The following ACAD11 variants were observed in gnomAD, a reference collection of about 807,000 sequenced individuals.
ACAD11 encodes acyl-CoA dehydrogenase family member 11.
Under a neutral mutation model 102.2 loss-of-function variants are expected in ACAD11, and 83 were observed. The ratio of observed to expected loss-of-function variants is 0.81; its 90% CI spans 0.68 to 0.97. The LOEUF (loss-of-function observed/expected upper bound fraction) is 0.97, where lower values mean the gene tolerates loss of function less well. Among genes scored for constraint, ACAD11 ranks in the 50% least tolerant of loss-of-function variants. ACAD11 has a pLI of 0.00. For synonymous variants in ACAD11, 324 were observed against 319.8 expected (o/e 1.01, Z -0.14); for missense variants, 901 against 951.7 (o/e 0.95, Z 0.70).
At chr3:132,566,296 C>CAAAAAAAAAAAAAAAAAAAAAAAAA (rs371477145) in intron 17 of ACAD11, among the ~76,000 whole-genome samples, 4 of 61,892 alleles carry the variant, frequency 6.5e-5, no homozygotes, top group African/African-American at 9.3e-5. Flanking sequence ...AAAACAAACT[C>CAAAAAAAAAAAAAAAAAAAAAAAAA]AAAAAAACAA....
At position 132,644,865 on chromosome 3, in the gene ACAD11, G is replaced by A. The variant is rs745859678; in HGVS notation, c.181C>T (p.Gln61Ter). The change falls in exon 2 of 20, where the codon CAG becomes TAG. Residue 61 changes from glutamine to a stop codon, truncating the protein, a stop_gained. Transcript: ENST00000264990. LOFTEE classifies it high-confidence loss of function. ...AGKSNPTFYL[Q>*]KGFQTYVLRK... ...AGCACATATGTTTGAAAGCCCTTCT[G>A]GAGATAAAAGGTTGGATTGGACTTT... 10 of 1,611,260 alleles carry A rather than the reference G, an allele frequency of 6.2e-6. No homozygotes were observed. The highest frequency in any genetic ancestry group is 8.5e-6 in the Non-Finnish European group (10 of 1,179,006).
At chr3:132,620,525 A>G (rs1366763631) in intron 9 of ACAD11, 1 of 152,266 alleles carries the variant, frequency 6.6e-6, no homozygotes, top group African/African-American at 2.4e-5. Flanking sequence ...AGTAAGAGTT[A>G]GCAAAAACAA....
chr3:132,652,031 C>T (rs58869763), intron 1 of ACAD11, among the ~76,000 whole-genome samples: 13,694 of 152,042 alleles, frequency 0.09, 2,087 homozygotes, highest in African/African-American at 0.31. Context: ...GAGGACATGA[C>T]GTTTGGGAAG....
intron 13 of ACAD11, among the ~76,000 whole-genome samples, chr3:132,584,986 A>G (rs1209634435): frequency 2.6e-5 from 4 of 152,208 alleles, no homozygotes; most frequent in African/African-American, 7.2e-5. Flanking sequence ...CAGAATTGGA[A>G]AAAACTACTT....
chr3:132,596,004 T>C (rs551405029), intron 13 of ACAD11, among the ~76,000 whole-genome samples: 3 of 152,254 alleles, frequency 2.0e-5, no homozygotes, highest in African/African-American at 7.2e-5. Flanking sequence ...CTATGCACAA[T>C]AGCAAAGACA....
At chr3:132,639,998 T>A (rs978609545) in intron 4 of ACAD11, among the ~76,000 whole-genome samples, 87 of 147,146 alleles carry the variant, frequency 5.9e-4, no homozygotes, top group Middle Eastern at 7.0e-3. Flanking sequence ...ACACTCTCTC[T>A]CACACACACA....
chr3:132,561,354 T>C (rs1341997205), intron 17 of ACAD11, 137 bp from the exon 18 acceptor site: 2 of 707,138 alleles, frequency 2.8e-6, no homozygotes, highest in South Asian at 3.0e-5. Flanking sequence ...TATGTATTTT[T>C]AAATGGAAGA....
chr3:132,652,852 G>A (rs146897438), intron 1 of ACAD11, among the ~76,000 whole-genome samples: 4 of 152,190 alleles, frequency 2.6e-5, no homozygotes, highest in African/African-American at 9.6e-5. Context: ...GGGGAACTCT[G>A]CCGTGTCAAA....
intron 5 of ACAD11, among the ~76,000 whole-genome samples, chr3:132,632,835 A>T (rs926962648): frequency 2.6e-5 from 4 of 152,134 alleles, no homozygotes; most frequent in Admixed American, 2.0e-4. Context: ...ATTCTCTTTG[A>T]AGCAATTGTG....
chr3:132,639,599 G>C lies in ACAD11; in HGVS notation c.595C>G (p.Gln199Glu). 6.2e-7 allele frequency: 1 copy of C among 1,613,658 alleles called. No homozygotes were observed. The highest frequency in any genetic ancestry group is 8.5e-7 in the Non-Finnish European group (1 of 1,179,840). The part of the protein sequence containing the change: ...AAAHQDIPAM[Q>E]QLSEWLMKNL... ...TTCATTAGCCACTCCGATAGCTGTTGCATGGCAGGGATGTCCTGATGAGCT... is the reference window on the plus strand; with the variant it reads ...TTCATTAGCCACTCCGATAGCTGTTCCATGGCAGGGATGTCCTGATGAGCT... Residue 199 changes from glutamine (Q) to glutamate (E), a missense_variant, in exon 5 of 20, where the codon CAA becomes GAA. Transcript: ENST00000264990.
intron 17 of ACAD11, 29 bp downstream of exon 17, chr3:132,575,743 A>C (rs1361790714): frequency 7.4e-6 from 12 of 1,612,456 alleles, no homozygotes; most frequent in Non-Finnish European, 9.3e-6. Flanking sequence ...ACCGGGCTAC[A>C]ATAAATTCAA....
chr3:132,574,854 G>T (rs774908865), intron 17 of ACAD11, among the ~76,000 whole-genome samples: 5 of 151,362 alleles, frequency 3.3e-5, no homozygotes, highest in Non-Finnish European at 5.9e-5. Context: ...TCTTTTTCTG[G>T]AGACAGAGTC....
intron 9 of ACAD11, 23 bp from the exon 10 acceptor site, chr3:132,619,568 A>G: frequency 7.3e-7 from 1 of 1,367,188 alleles, no homozygotes. Context: ...AAAGAAAAAA[A>G]TTTCACTAGC....
At chr3:132,619,603 G>T in intron 9 of ACAD11, 58 bp from the exon 10 acceptor site, 1 of 912,200 alleles carries the variant, frequency 1.1e-6, no homozygotes, top group Non-Finnish European at 1.7e-6. Flanking sequence ...AGTAAACAAT[G>T]TCATAAACTG....
At chr3:132,648,967 T>G (rs1471409558) in intron 1 of ACAD11, among the ~76,000 whole-genome samples, 1 of 152,196 alleles carries the variant, frequency 6.6e-6, no homozygotes, top group Non-Finnish European at 1.5e-5. Flanking sequence ...GGAATCAAGG[T>G]TTAAGGGATC....
intron 13 of ACAD11, among the ~76,000 whole-genome samples, chr3:132,586,061 A>G (rs1937807486): frequency 6.6e-6 from 1 of 152,210 alleles, no homozygotes; most frequent in Non-Finnish European, 1.5e-5. Context: ...TTGTGGCACT[A>G]TTCACAATAG....
intron 4 of ACAD11, among the ~76,000 whole-genome samples, chr3:132,641,713 A>G (rs1020933656): frequency 4.0e-5 from 6 of 151,816 alleles, no homozygotes; most frequent in African/African-American, 9.7e-5. Flanking sequence ...AAGAAGAAGA[A>G]GAAGAAGAAG....
chr3:132,656,356 G>A (rs1020050412), intron 1 of ACAD11, among the ~76,000 whole-genome samples: 5 of 152,144 alleles, frequency 3.3e-5, no homozygotes, highest in African/African-American at 1.2e-4. Flanking sequence ...GAGTAGAACT[G>A]CTAGGTCATA....
At chr3:132,563,390 T>C (rs1162969336) in intron 17 of ACAD11, among the ~76,000 whole-genome samples, 4 of 152,224 alleles carry the variant, frequency 2.6e-5, no homozygotes, top group Non-Finnish European at 5.9e-5. Context: ...GCAGATCAAT[T>C]TGAGGATGGT....
Sources: gnomAD v4.1 joint callset for allele counts (sites outside exome capture counted in the v4.1 genomes callset) on GRCh38, gnomAD v4.1.1 for gene constraint, MANE v1.5 for transcripts, NCBI Gene and HGNC (gene_info 2026-07-23, HGNC 2026-07-21) for gene names.